Variants in GPHN observed in about 807,000 individuals in gnomAD.
GPHN encodes the protein gephyrin.
Under a neutral mutation model 95.5 loss-of-function variants are expected in GPHN, and 17 were observed. That is an observed-to-expected ratio of 0.18 (90% CI 0.12 to 0.27). GPHN has a LOEUF of 0.27. GPHN is among the 10% of genes least tolerant of loss of function. The probability of loss-of-function intolerance (pLI) is 1.00; values close to 1 mark genes in which losing one functional copy is unlikely to be tolerated. For missense variants in GPHN, 660 were observed against 978.1 expected, an observed-to-expected ratio of 0.67 and a Z score of 4.34; for synonymous variants, 320 against 322.5, an observed-to-expected ratio of 0.99 and a Z score of 0.08.
intron 8 of GPHN, among the ~76,000 whole-genome samples, chr14:66,953,882 A>C (rs1342126733): frequency 1.3e-5 from 2 of 152,154 alleles, no homozygotes; most frequent in African/African-American, 4.8e-5. Context: ...AAAATACAAA[A>C]AAATTAGCTG....
At chr14:67,430,330 T>C in the GPHN span, among the ~76,000 whole-genome samples, 1 of 152,058 alleles carries the variant, frequency 6.6e-6, no homozygotes, top group Admixed American at 6.5e-5. Context: ...GGAGGAAAAA[T>C]ACCCACTGTA....
At chr14:67,448,319 T>A in the GPHN span, among the ~76,000 whole-genome samples, 1 of 151,754 alleles carries the variant, frequency 6.6e-6, no homozygotes, top group Non-Finnish European at 1.5e-5. Context: ...TTTTTGTATT[T>A]TTAGTAGAGA....
At chr14:66,810,084 A>G (rs978842836) in intron 3 of GPHN, among the ~76,000 whole-genome samples, 1 of 151,962 alleles carries the variant, frequency 6.6e-6, no homozygotes, top group African/African-American at 2.4e-5. Context: ...TAATTATTAT[A>G]TAATATATTT....
At chr14:67,562,720 G>A in the GPHN span, 3 of 1,613,446 alleles carry the variant, frequency 1.9e-6, no homozygotes, top group Non-Finnish European at 2.5e-6. Flanking sequence ...GCCTTCCTGA[G>A]CTGGAGTCCC....
At chr14:67,287,921 C>G in the GPHN span, among the ~76,000 whole-genome samples, 14 of 152,166 alleles carry the variant, frequency 9.2e-5, no homozygotes, top group Non-Finnish European at 1.0e-4. Context: ...TATACAGAAA[C>G]TCCTTGGCCT....
At chr14:67,612,783 A>T in the GPHN span, among the ~76,000 whole-genome samples, 1 of 152,044 alleles carries the variant, frequency 6.6e-6, no homozygotes, top group African/African-American at 2.4e-5. Flanking sequence ...TCTACTAAAA[A>T]TACAAAAAAA....
the GPHN span, among the ~76,000 whole-genome samples, chr14:67,394,193 C>T: frequency 1.3e-5 from 2 of 152,192 alleles, no homozygotes. Flanking sequence ...CAGACACACA[C>T]TGCTTTTGTA....
the GPHN span, among the ~76,000 whole-genome samples, chr14:67,484,962 T>A: frequency 2.0e-5 from 3 of 152,206 alleles, no homozygotes; most frequent in Admixed American, 2.0e-4. Context: ...TGTGTAATAT[T>A]CCAGCAAGCG....
At chr14:67,706,470 G>T in the GPHN span, among the ~76,000 whole-genome samples, 1 of 152,162 alleles carries the variant, frequency 6.6e-6, no homozygotes, top group Non-Finnish European at 1.5e-5. Context: ...GGGAGACACG[G>T]GACATCAATC....
chr14:67,376,384 CA>C, the GPHN span: 1 of 1,485,122 alleles, frequency 6.7e-7, no homozygotes, highest in Non-Finnish European at 9.0e-7. Context: ...AATGTAAAAA[CA>C]TTTTTTATAA....
chr14:66,655,478 C>T (rs145529487), intron 1 of GPHN, among the ~76,000 whole-genome samples: 169 of 151,920 alleles, frequency 1.1e-3, no homozygotes, highest in African/African-American at 3.8e-3. Context: ...TGAAGAACTC[C>T]CTTATTCTAG....
chr14:66,567,575 G>A (rs2060512746), intron 1 of GPHN, among the ~76,000 whole-genome samples: 1 of 152,110 alleles, frequency 6.6e-6, no homozygotes. Context: ...ATCTCTTATG[G>A]CCAGTAATGC....
Position 66,752,334 on chromosome 14 carries a change from T to C in GPHN, c.144-24130T>C, listed in dbSNP as rs1318170867. Among the ~76,000 whole-genome samples the C allele has an allele frequency of 3.3e-5, 5 of 152,288 alleles. No homozygotes were observed. In the South Asian group the frequency reaches 1.0e-3, roughly 32 times the overall value. On this transcript the variant is annotated intron_variant, in intron 2 of 22. Coordinates refer to ENST00000478722, the MANE Select transcript of GPHN (RefSeq NM_020806.5). ...GGCTTTTTGCCATAAGAGAAGGTTA[T>C]CTCAGCTTTTGACATGCTTTCTTCT...
the GPHN span, among the ~76,000 whole-genome samples, chr14:67,593,014 C>A: frequency 2.0e-5 from 3 of 152,106 alleles, no homozygotes; most frequent in Non-Finnish European, 4.4e-5. Flanking sequence ...CTGGAACTCC[C>A]GACCTTAGGT....
chr14:67,575,750 C>A, the GPHN span: 1 of 1,116,314 alleles, frequency 9.0e-7, no homozygotes, highest in Non-Finnish European at 1.3e-6. Context: ...TTCACGGAGC[C>A]TATGTATTCA....
At chr14:67,669,424 C>G in the GPHN span, among the ~76,000 whole-genome samples, 1 of 147,380 alleles carries the variant, frequency 6.8e-6, no homozygotes, top group African/African-American at 2.7e-5. Flanking sequence ...TGAGCAGCAC[C>G]ACACTACTCA....
At chr14:67,311,340 A>G in the GPHN span, among the ~76,000 whole-genome samples, 1 of 150,862 alleles carries the variant, frequency 6.6e-6, no homozygotes, top group African/African-American at 2.4e-5. Context: ...AGCCAAAGCC[A>G]AATAATATTT....
the GPHN span, among the ~76,000 whole-genome samples, chr14:67,396,365 C>T: frequency 6.6e-6 from 1 of 151,126 alleles, no homozygotes; most frequent in Non-Finnish European, 1.5e-5. Context: ...CCAGGCTGGT[C>T]TTGAACTCCT....
intron 21 of GPHN, among the ~76,000 whole-genome samples, chr14:67,179,048 C>G (rs2083178523): frequency 6.6e-6 from 1 of 152,142 alleles, no homozygotes; most frequent in African/African-American, 2.4e-5. Flanking sequence ...GCCTTCTTTT[C>G]TCTTTTCACC....
Sources: gnomAD v4.1 joint callset for allele counts (sites outside exome capture counted in the v4.1 genomes callset) on GRCh38, gnomAD v4.1.1 for gene constraint, MANE v1.5 for transcripts, NCBI Gene and HGNC (gene_info 2026-07-23, HGNC 2026-07-21) for gene names.